Variants in LRRC7 observed in about 807,000 individuals in gnomAD.
LRRC7 encodes leucine rich repeat containing 7.
LRRC7 carries 23 observed loss-of-function variants against 175.7 expected under a neutral mutation model. The ratio of observed to expected loss-of-function variants is 0.13; its 90% CI spans 0.09 to 0.19. The LOEUF is 0.19. Ranked by LOEUF, LRRC7 falls within the 10% of genes least tolerant of loss-of-function variation. The pLI is 1.00. For missense variants in LRRC7, 1,354 were observed against 1,904.7 expected (o/e 0.71, Z 5.38); for synonymous variants, 685 against 680.9 (o/e 1.01, Z -0.09).
chr1:69,667,307 A>G (rs1197551407), intron 1 of LRRC7, among the ~76,000 whole-genome samples: 1 of 149,052 alleles, frequency 6.7e-6, no homozygotes, highest in Non-Finnish European at 1.5e-5. Flanking sequence ...TTCTGTAAAT[A>G]TCTATTAGGT....
chr1:70,065,766 GA>G (rs1661928060), intron 23 of LRRC7, among the ~76,000 whole-genome samples: 1 of 151,942 alleles, frequency 6.6e-6, no homozygotes, highest in South Asian at 2.1e-4. Context: ...ACTTATGGCA[GA>G]ATGTATTTAG....
intron 17 of LRRC7, among the ~76,000 whole-genome samples, chr1:70,026,684 A>G (rs1203149388): frequency 6.6e-6 from 1 of 152,112 alleles, no homozygotes; most frequent in Non-Finnish European, 1.5e-5. Context: ...TTTATTTGAG[A>G]GTTTAAAGAG....
intron 2 of LRRC7, among the ~76,000 whole-genome samples, chr1:69,736,927 T>G (rs1668177972): frequency 6.6e-6 from 1 of 152,142 alleles, no homozygotes; most frequent in South Asian, 2.1e-4. Flanking sequence ...GATGAGTCTT[T>G]TTTATAGAAA....
rs150791147 is a variant in LRRC7, at chr1:69,919,238, T to C, written c.648-12269T>C. 4.0e-3 allele frequency: 1,577 copies of C among 398,090 alleles called. 23 individuals are homozygous for C. Among genetic ancestry groups the C allele is most frequent in the African/African-American group, 0.029 (1,415 of 48,710 alleles). 24.7% of individuals were successfully genotyped at this position (398,090 alleles called of 1,614,324 possible). A position where few individuals can be genotyped will look rare whatever the true frequency, so the allele number is the denominator to read the frequency against. On this transcript the variant is annotated intron_variant, in intron 7 of 26. Coordinates refer to ENST00000651989, the MANE Select transcript of LRRC7 (RefSeq NM_001370785.2). The stretch of plus-strand genomic sequence containing the variant: ...TCCATAGGGTGTCATTCTCAACTAT[T>C]CAGTTCTGTGGTTGTAGTACACAAG...
intron 4 of LRRC7, among the ~76,000 whole-genome samples, chr1:69,811,573 T>G (rs905810024): frequency 6.6e-6 from 1 of 152,138 alleles, no homozygotes; most frequent in Non-Finnish European, 1.5e-5. Flanking sequence ...ATATACACCA[T>G]GGAATACTAT....
At chr1:69,922,966 C>T (rs996109405) in intron 7 of LRRC7, among the ~76,000 whole-genome samples, 2 of 152,088 alleles carry the variant, frequency 1.3e-5, no homozygotes, top group Admixed American at 1.3e-4. Context: ...ATCCCTCCCC[C>T]CTCCTGCCAC....
chr1:69,731,289 C>A (rs933257221), intron 2 of LRRC7, among the ~76,000 whole-genome samples: 2 of 151,928 alleles, frequency 1.3e-5, no homozygotes, highest in African/African-American at 4.8e-5. Context: ...CTCCATTACC[C>A]CCACCCCCAA....
intron 11 of LRRC7, among the ~76,000 whole-genome samples, chr1:70,011,448 C>A (rs1656499854): frequency 6.6e-6 from 1 of 152,032 alleles, no homozygotes. Flanking sequence ...CCTCTCCACC[C>A]TTCTCCTTAC....
At chr1:69,568,760 G>C in intron 1 of LRRC7, 119 bp downstream of exon 1, 12 of 478,980 alleles carry the variant, frequency 2.5e-5, no homozygotes, top group Middle Eastern at 8.3e-4. Context: ...GGCAGGGCGG[G>C]AGGCTTCGGC....
intron 24 of LRRC7, among the ~76,000 whole-genome samples, chr1:70,078,839 C>G (rs1048097756): frequency 4.0e-5 from 6 of 151,862 alleles, no homozygotes; most frequent in Admixed American, 3.9e-4. Flanking sequence ...CACACACACA[C>G]ACACACACAC....
intron 1 of LRRC7, among the ~76,000 whole-genome samples, chr1:69,646,950 A>G (rs1447931883): frequency 5.9e-5 from 9 of 152,078 alleles, no homozygotes; most frequent in Non-Finnish European, 1.5e-5. Flanking sequence ...GGGTCCAGCA[A>G]CCACATATCA....
intron 1 of LRRC7, among the ~76,000 whole-genome samples, chr1:69,675,696 T>G (rs2100591651): frequency 6.6e-6 from 1 of 152,112 alleles, no homozygotes; most frequent in East Asian, 1.9e-4. Context: ...AATTCAAGAG[T>G]CAGAAACTAG....
rs1049264249 is a variant in LRRC7, at chr1:69,919,813, C to T, written c.648-11694C>T. ...GCGGGACAGTGTTCACGGATTCCGG[C>T]ATCCACGTCATTGTCCGCACGGAGT... is the stretch of plus-strand genomic sequence containing the variant. On this transcript the variant is annotated intron_variant, in intron 7 of 26. Coordinates refer to ENST00000651989, the MANE Select transcript of LRRC7 (RefSeq NM_001370785.2). 2.3e-5 allele frequency: 18 copies of T among 771,266 alleles called. No individual in the cohort carries two copies. The African/African-American group carries it at 2.6e-4, about 11-fold the overall frequency. The allele number at this position is 771,266 out of a possible 1,614,324, so 47.8% of individuals were successfully genotyped here.
intron 7 of LRRC7, among the ~76,000 whole-genome samples, chr1:69,897,033 A>G (rs140243955): frequency 4.9e-4 from 75 of 152,260 alleles, no homozygotes; most frequent in African/African-American, 1.8e-3. Context: ...CATTTTTCCA[A>G]TGATAATAAG....
intron 16 of LRRC7, among the ~76,000 whole-genome samples, chr1:70,022,897 C>G (rs1044439677): frequency 6.6e-6 from 1 of 152,126 alleles, no homozygotes; most frequent in Non-Finnish European, 1.5e-5. Flanking sequence ...GCCCTACTTA[C>G]AGTCTGTATA....
intron 7 of LRRC7, among the ~76,000 whole-genome samples, chr1:69,856,062 G>T (rs147112473): frequency 0.01 from 1,586 of 152,180 alleles, 15 homozygotes; most frequent in Non-Finnish European, 0.018. Context: ...ACATTGATGG[G>T]TCTTGACTCT....
chr1:69,825,976 T>C, intron 5 of LRRC7, 150 bp downstream of exon 5: 1 of 509,506 alleles, frequency 2.0e-6, no homozygotes, highest in Non-Finnish European at 3.3e-6. Flanking sequence ...ATCAGAATAG[T>C]TTGACAAAAG....
chr1:70,095,883 A>G (rs1364748288), intron 25 of LRRC7, among the ~76,000 whole-genome samples: 1 of 152,210 alleles, frequency 6.6e-6, no homozygotes, highest in Non-Finnish European at 1.5e-5. Context: ...AGAATAACCA[A>G]TAAATCCAGA....
At chr1:69,910,965 AT>A (rs1646507922) in intron 7 of LRRC7, among the ~76,000 whole-genome samples, 1 of 152,198 alleles carries the variant, frequency 6.6e-6, no homozygotes, top group Non-Finnish European at 1.5e-5. Context: ...TATGCCAGCA[AT>A]CAGGGAGACT....
Sources: gnomAD v4.1 joint callset for allele counts (sites outside exome capture counted in the v4.1 genomes callset) on GRCh38, gnomAD v4.1.1 for gene constraint, MANE v1.5 for transcripts, NCBI Gene and HGNC (gene_info 2026-07-23, HGNC 2026-07-21) for gene names.